The following EDARADD variants were observed in gnomAD, a reference collection of about 807,000 sequenced individuals.
The protein encoded by EDARADD is ectodysplasin-A receptor-associated adapter protein.
In EDARADD, 20 loss-of-function variants were observed where a neutral mutation model predicts 25.6. The observed-to-expected ratio is 0.78, with a 90% CI of 0.55 to 1.14. The LOEUF (loss-of-function observed/expected upper bound fraction) is 1.14, where lower values mean the gene tolerates loss of function less well. EDARADD is among the 50% of genes most tolerant of loss of function. The pLI is 0.00. For missense variants in EDARADD, 225 were observed against 270.1 expected, an observed-to-expected ratio of 0.83 and a Z score of 1.17; for synonymous variants, 86 against 94.4, an observed-to-expected ratio of 0.91 and a Z score of 0.52.
At chr1:236,429,817 T>C (rs1658047699) in intron 4 of EDARADD, among the ~76,000 whole-genome samples, 1 of 152,240 alleles carries the variant, frequency 6.6e-6, no homozygotes, top group Non-Finnish European at 1.5e-5. Flanking sequence ...TTACTTCTTG[T>C]ACTGTCCAAG....
chr1:236,422,428 A>G (rs1657805004), intron 3 of EDARADD, among the ~76,000 whole-genome samples: 1 of 152,210 alleles, frequency 6.6e-6, no homozygotes. Flanking sequence ...CTTTACCACA[A>G]AGGGTGCAAC....
chr1:236,427,134 T>C (rs1657942447), intron 3 of EDARADD, among the ~76,000 whole-genome samples: 1 of 152,196 alleles, frequency 6.6e-6, no homozygotes, highest in African/African-American at 2.4e-5. Context: ...CGCCTGCCCC[T>C]GTCTCTTATT....
At chr1:236,391,692 T>C (rs1256118096), upstream of EDARADD, among the ~76,000 whole-genome samples, 1 of 152,220 alleles carries the variant, frequency 6.6e-6, no homozygotes, top group Admixed American at 6.5e-5. Context: ...CTGTAACACT[T>C]ACCTCAAATG....
chr1:236,483,460 G>T lies in EDARADD; in HGVS notation c.*811G>T. ...GACAAACTTATGATAGAGATGGATGGAACAGAAAATAAATCTAAATTTGGT... is the reference window on the plus strand; with the variant it reads ...GACAAACTTATGATAGAGATGGATGTAACAGAAAATAAATCTAAATTTGGT... On this transcript the variant is annotated 3_prime_UTR_variant, in exon 6 of 6. Coordinates refer to ENST00000334232, the MANE Select transcript of EDARADD (RefSeq NM_145861.4). 9.6e-7 allele frequency: 1 copy of T among 1,037,256 alleles called. No individual in the cohort carries two copies. Among genetic ancestry groups the T allele is most frequent in the South Asian group, 1.3e-5 (1 of 79,528 alleles). The allele number at this position is 1,037,256 out of a possible 1,614,324, so 64.3% of individuals were successfully genotyped here. A position where few individuals can be genotyped will look rare whatever the true frequency, so the allele number is the denominator to read the frequency against.
chr1:236,470,231 T>C (rs1390062630), intron 5 of EDARADD, among the ~76,000 whole-genome samples: 1 of 152,238 alleles, frequency 6.6e-6, no homozygotes, highest in African/African-American at 2.4e-5. Context: ...TAAGTATACC[T>C]TGCTGCATGG....
In EDARADD at chr1:236,484,316, G is replaced by A. The variant is rs1659769542; in HGVS notation, c.*1667G>A. ...CTGAAAATACCTTCATCACTGACCT[G>A]GTGGTGGGGCTGTGACCTGGGCAGC... On this transcript the variant is annotated 3_prime_UTR_variant, in exon 6 of 6. Coordinates refer to ENST00000334232, the MANE Select transcript of EDARADD (RefSeq NM_145861.4). The surrounding 1 kb of genome is among the most constrained non-coding windows in gnomAD (Gnocchi z 4.1). The A allele has an allele frequency of 8.6e-7, 1 of 1,159,280 alleles. No individual in the cohort carries two copies. Among genetic ancestry groups the A allele is most frequent in the Admixed American group, 1.7e-5 (1 of 58,916 alleles). 71.8% of individuals were successfully genotyped at this position (1,159,280 alleles called of 1,614,324 possible).
At chr1:236,389,087 T>C (rs1350591304) in intron 3 of EDARADD, among the ~76,000 whole-genome samples, 1 of 152,208 alleles carries the variant, frequency 6.6e-6, no homozygotes, top group Non-Finnish European at 1.5e-5. Flanking sequence ...ACAGATTTTA[T>C]CTCAAAATCT....
rs1039285932 is a variant in EDARADD, at chr1:236,440,075, A to AT, written c.219+12634dup. On this transcript the variant is annotated intron_variant, in intron 4 of 5. Transcript: ENST00000334232. ...GAGCTTAAGGTGTGTGTCTAGACTAATTTTTTTTTGTTATTCCAGTACCAT... is the reference window on the plus strand; with the variant it reads ...GAGCTTAAGGTGTGTGTCTAGACTAATTTTTTTTTTGTTATTCCAGTACCAT... 1.5e-4 allele frequency among the ~76,000 whole-genome samples: 22 copies of AT among 151,582 alleles called. No homozygotes were observed. The Middle Eastern group carries it at 0.014, about 94-fold the overall frequency.
Position 236,394,401 on chromosome 1 carries a change from C to G in EDARADD, c.-44C>G. The G allele has an allele frequency of 3.7e-6, 6 of 1,607,258 alleles. No homozygotes were observed. Among genetic ancestry groups the G allele is most frequent in the Non-Finnish European group, 4.3e-6 (5 of 1,173,768 alleles). ...TCTTCTCGCAATCTGTTGCTTCTTC[C>G]ATGGCAAACTCCAGAGAATTAAGAA... On this transcript the variant is annotated 5_prime_UTR_variant, in exon 1 of 6. Transcript: ENST00000334232.
At chr1:236,474,436 AC>A (rs1659449681) in intron 5 of EDARADD, among the ~76,000 whole-genome samples, 1 of 152,204 alleles carries the variant, frequency 6.6e-6, no homozygotes, top group Admixed American at 6.5e-5. Flanking sequence ...CTTGCTTTGC[AC>A]CAGTGGAAAA....
At chr1:236,362,304 T>C (rs667276) in intron 3 of EDARADD, among the ~76,000 whole-genome samples, 83,487 of 152,166 alleles carry the variant, frequency 0.55, 23,636 homozygotes, top group East Asian at 0.84. Flanking sequence ...CAACCGATGA[T>C]GTTGAGCGTC....
At chr1:236,422,632 G>T (rs1340638146) in intron 3 of EDARADD, among the ~76,000 whole-genome samples, 2 of 152,158 alleles carry the variant, frequency 1.3e-5, no homozygotes, top group East Asian at 1.9e-4. Context: ...GTATGATGGG[G>T]GTGATGTCAT....
At chr1:236,385,314 C>T (rs2102996988) in intron 3 of EDARADD, among the ~76,000 whole-genome samples, 1 of 148,966 alleles carries the variant, frequency 6.7e-6, no homozygotes, top group East Asian at 2.0e-4. Context: ...GAGGCTGAGG[C>T]AGGAGAATGG....
chr1:236,439,260 A>G (rs1385951558), intron 4 of EDARADD, among the ~76,000 whole-genome samples: 1 of 152,148 alleles, frequency 6.6e-6, no homozygotes, highest in African/African-American at 2.4e-5. Context: ...CTACTGAAGG[A>G]TGTCTTGGTT....
At chr1:236,477,620 G>A (rs1017640834) in intron 5 of EDARADD, among the ~76,000 whole-genome samples, 1 of 152,010 alleles carries the variant, frequency 6.6e-6, no homozygotes, top group Non-Finnish European at 1.5e-5. Flanking sequence ...TTCTAGGATG[G>A]GTAAAGTTCA....
chr1:236,366,127 A>G (rs769129805), intron 3 of EDARADD, among the ~76,000 whole-genome samples: 2 of 152,080 alleles, frequency 1.3e-5, no homozygotes, highest in Non-Finnish European at 2.9e-5. Context: ...TATGGGTCAT[A>G]TTTTTCTGCC....
intron 5 of EDARADD, among the ~76,000 whole-genome samples, chr1:236,479,470 G>A (rs952234075): frequency 4.0e-5 from 6 of 151,564 alleles, no homozygotes; most frequent in African/African-American, 9.7e-5. Context: ...CATCCAACCT[G>A]GGCAACAAAG....
chr1:236,395,772 G>C lies in EDARADD; in HGVS notation c.61+1267G>C. On this transcript the variant is annotated intron_variant, in intron 1 of 5. Coordinates refer to ENST00000334232, the MANE Select transcript of EDARADD (RefSeq NM_145861.4). The surrounding 1 kb of genome is among the most constrained non-coding windows in gnomAD (Gnocchi z 6.9). ...TCGAGGCCGGGCCTCGGCGACCCCC[G>C]AGGGAGGCCCGGGAACCACCCCCGA... 1 of 1,234,692 alleles carries C rather than the reference G, an allele frequency of 8.1e-7. No homozygotes were observed. The highest frequency in any genetic ancestry group is 3.1e-5 in the East Asian group (1 of 32,550). The allele number at this position is 1,234,692 out of a possible 1,614,324, so 76.5% of individuals were successfully genotyped here.
chr1:236,461,975 T>C (rs751643874), intron 4 of EDARADD, among the ~76,000 whole-genome samples: 2 of 152,152 alleles, frequency 1.3e-5, no homozygotes, highest in Non-Finnish European at 2.9e-5. Context: ...AAAGATCTAA[T>C]TGGCTTTTAA....
Sources: allele counts gnomAD v4.1 joint callset (sites outside exome capture counted in the v4.1 genomes callset), GRCh38; gene constraint gnomAD v4.1.1; non-coding constraint Gnocchi (gnomAD v3.1); transcripts MANE v1.5; gene names NCBI Gene and HGNC (gene_info 2026-07-23, HGNC 2026-07-21).